Variants in NCK2 observed in about 807,000 individuals in gnomAD.
NCK2 encodes cytoplasmic protein NCK2.
A neutral mutation model predicts 33.9 loss-of-function variants in NCK2; 16 were observed. The ratio of observed to expected loss-of-function variants is 0.47; its 90% CI spans 0.32 to 0.72. NCK2 has a LOEUF of 0.72. NCK2 is among the 30% of genes least tolerant of loss of function. NCK2 has a pLI of 0.03. For synonymous variants in NCK2, 273 were observed against 239.9 expected (o/e 1.14, Z -1.27); for missense variants, 418 against 537.3 (o/e 0.78, Z 2.19).
intron 1 of NCK2, among the ~76,000 whole-genome samples, chr2:105,764,962 T>C (rs1689892124): frequency 6.6e-6 from 1 of 152,156 alleles, no homozygotes. Context: ...AAATTTTTGC[T>C]CCTGTAGACA....
intron 1 of NCK2, among the ~76,000 whole-genome samples, chr2:105,780,762 G>A (rs2104401681): frequency 6.6e-6 from 1 of 152,318 alleles, no homozygotes; most frequent in East Asian, 1.9e-4. Flanking sequence ...AGACACCCCA[G>A]AGGGCCCCCT....
chr2:105,814,502 A>G (rs1675410705), intron 1 of NCK2, among the ~76,000 whole-genome samples: 1 of 152,164 alleles, frequency 6.6e-6, no homozygotes, highest in Non-Finnish European at 1.5e-5. Flanking sequence ...CCTAGTATCA[A>G]AGGACTCAAG....
intron 3 of NCK2, among the ~76,000 whole-genome samples, chr2:105,861,401 A>G (rs1201271497): frequency 6.6e-6 from 1 of 152,214 alleles, no homozygotes; most frequent in Non-Finnish European, 1.5e-5. Context: ...TCTATGGGGA[A>G]GGAAGCCCAC....
At chr2:105,786,880 C>T (rs144121503) in intron 1 of NCK2, among the ~76,000 whole-genome samples, 83 of 135,776 alleles carry the variant, frequency 6.1e-4, no homozygotes, top group Middle Eastern at 7.2e-3. Flanking sequence ...TCCCTTACCT[C>T]TGCTGCTCAG....
intron 2 of NCK2, among the ~76,000 whole-genome samples, chr2:105,819,825 C>T (rs986465440): frequency 6.6e-6 from 1 of 152,256 alleles, no homozygotes; most frequent in East Asian, 1.9e-4. Context: ...TTTGGAAAAT[C>T]GTGAGATGTA....
At chr2:105,854,252 CTG>C (rs1193867453) in intron 2 of NCK2, among the ~76,000 whole-genome samples, 1 of 152,162 alleles carries the variant, frequency 6.6e-6, no homozygotes, top group East Asian at 1.9e-4. Context: ...TATCTATAAA[CTG>C]TGTCCTACTA....
chr2:105,753,459 C>G (rs1380487272), intron 1 of NCK2, among the ~76,000 whole-genome samples: 1 of 152,248 alleles, frequency 6.6e-6, no homozygotes, highest in African/African-American at 2.4e-5. Context: ...CTGGAGGGAA[C>G]TGCAGTGGCA....
chr2:105,842,149 G>A (rs192552589), intron 2 of NCK2, among the ~76,000 whole-genome samples: 2 of 151,856 alleles, frequency 1.3e-5, no homozygotes, highest in African/African-American at 4.8e-5. Context: ...GCAATGGCGC[G>A]ACCTCGGCTC....
rs1421571964 is a variant in NCK2 at position 105,789,784 on chromosome 2, A to ACC, written c.-200-26642_-200-26641dup. ...TCTGACACAGACTGCTGCCCCACAC[A>ACC]CCCCCAGTTTCTGCCTCAGTGGTCT... On this transcript the variant is annotated intron_variant, in intron 1 of 4. Coordinates refer to ENST00000233154, the MANE Select transcript of NCK2 (RefSeq NM_003581.5). 5.9e-5 allele frequency among the ~76,000 whole-genome samples: 9 copies of ACC among 151,880 alleles called. 1 individual carries two copies. In the East Asian group the frequency reaches 1.7e-3, roughly 29 times the overall value.
intron 4 of NCK2, among the ~76,000 whole-genome samples, chr2:105,883,991 C>CA (rs1678615570): frequency 6.6e-6 from 1 of 152,200 alleles, no homozygotes; most frequent in African/African-American, 2.4e-5. Context: ...TGATGCTGTG[C>CA]AGGGCAGCTT....
chr2:105,799,742 G>GCTT (rs1298358704), intron 1 of NCK2, among the ~76,000 whole-genome samples: 1 of 152,200 alleles, frequency 6.6e-6, no homozygotes, highest in Non-Finnish European at 1.5e-5. Context: ...ATGGAGGGAT[G>GCTT]CTTCCCTCTA....
chr2:105,762,912 A>AG (rs201994637), intron 1 of NCK2, among the ~76,000 whole-genome samples: 2,862 of 152,322 alleles, frequency 0.019, 47 homozygotes, highest in Non-Finnish European at 0.022. Flanking sequence ...AAGCAACCTG[A>AG]GGCCAGGCGC....
chr2:105,804,932 A>G (rs1406044857), intron 1 of NCK2, among the ~76,000 whole-genome samples: 1 of 152,196 alleles, frequency 6.6e-6, no homozygotes, highest in African/African-American at 2.4e-5. Context: ...GCTGCAGGGT[A>G]CTGGATAGTC....
chr2:105,883,760 A>C (rs982630403), intron 4 of NCK2, among the ~76,000 whole-genome samples: 2 of 152,204 alleles, frequency 1.3e-5, no homozygotes, highest in African/African-American at 2.4e-5. Flanking sequence ...TTAGAGAATG[A>C]GCTAACTTTT....
At chr2:105,872,047 T>A (rs1424522624) in intron 3 of NCK2, among the ~76,000 whole-genome samples, 1 of 152,214 alleles carries the variant, frequency 6.6e-6, no homozygotes, top group Non-Finnish European at 1.5e-5. Context: ...GTCAGGAATT[T>A]AGAATTTCTT....
chr2:105,858,399 C>T (rs1354289969), intron 3 of NCK2, among the ~76,000 whole-genome samples: 2 of 152,134 alleles, frequency 1.3e-5, no homozygotes, highest in Non-Finnish European at 2.9e-5. Flanking sequence ...TACGGGCATG[C>T]ACTACCACAC....
chr2:105,861,140 G>A (rs962157898), intron 3 of NCK2, among the ~76,000 whole-genome samples: 3 of 152,128 alleles, frequency 2.0e-5, no homozygotes, highest in Admixed American at 6.5e-5. Flanking sequence ...CTTTACTAGG[G>A]AGAAGAGAGC....
intron 1 of NCK2, among the ~76,000 whole-genome samples, chr2:105,797,800 G>T (rs1231435681): frequency 6.6e-6 from 1 of 152,164 alleles, no homozygotes; most frequent in Non-Finnish European, 1.5e-5. Flanking sequence ...GAAACAAGAT[G>T]CTTCTAGAAA....
At chr2:105,884,441 T>C (rs1678638156) in intron 4 of NCK2, among the ~76,000 whole-genome samples, 2 of 152,200 alleles carry the variant, frequency 1.3e-5, no homozygotes, top group South Asian at 4.1e-4. Context: ...CAGGCATCTT[T>C]ATTTAATTTC....
Sources: allele counts gnomAD v4.1 joint callset (sites outside exome capture counted in the v4.1 genomes callset), GRCh38; gene constraint gnomAD v4.1.1; transcripts MANE v1.5; gene names NCBI Gene and HGNC (gene_info 2026-07-23, HGNC 2026-07-21).